The following POU2F1 variants were observed in gnomAD, a reference collection of about 807,000 sequenced individuals.
POU2F1 encodes POU class 2 homeobox 1.
A neutral mutation model predicts 84.9 loss-of-function variants in POU2F1; 16 were observed. That is an observed-to-expected ratio of 0.19 (90% CI 0.13 to 0.29). The LOEUF (loss-of-function observed/expected upper bound fraction) is 0.29, where lower values mean the gene tolerates loss of function less well. Ranked by LOEUF, POU2F1 falls within the 10% of genes least tolerant of loss-of-function variation. The probability of loss-of-function intolerance (pLI) is 1.00; values close to 1 mark genes in which losing one functional copy is unlikely to be tolerated. For synonymous variants in POU2F1, 368 were observed against 368.3 expected, an observed-to-expected ratio of 1.00 and a Z score of 0.01; for missense variants, 738 against 942.6, an observed-to-expected ratio of 0.78 and a Z score of 2.84.
chr1:167,362,610 C>T (rs1463577005), intron 2 of POU2F1, among the ~76,000 whole-genome samples: 1 of 152,138 alleles, frequency 6.6e-6, no homozygotes, highest in Non-Finnish European at 1.5e-5. Context: ...CTCCTAGGCT[C>T]AAAGGATCCT....
intron 1 of POU2F1, among the ~76,000 whole-genome samples, chr1:167,304,473 T>A (rs1299457919): frequency 6.6e-6 from 1 of 152,162 alleles, no homozygotes; most frequent in Non-Finnish European, 1.5e-5. Flanking sequence ...AGCCTGCTTA[T>A]TTTTTTAAAC....
chr1:167,282,206 G>A (rs983516337), intron 1 of POU2F1, among the ~76,000 whole-genome samples: 3 of 151,152 alleles, frequency 2.0e-5, no homozygotes, highest in African/African-American at 7.3e-5. Context: ...GCAGTGGCGC[G>A]ATCCCGGCTC....
chr1:167,414,396 G>C, intron 15 of POU2F1: 1 of 985,338 alleles, frequency 1.0e-6, no homozygotes, highest in Non-Finnish European at 1.2e-6. Context: ...AAGCTGCACT[G>C]TCTCACTGTT....
rs528484401 is a variant in POU2F1 at position 167,298,036 on chromosome 1, G to A, written c.62-34434G>A. On this transcript the variant is annotated intron_variant, in intron 1 of 15. Transcript: ENST00000367866. Reference sequence around the variant, plus strand: ...AACTACTTGGGAGGCTGAGGCAGGAGAATTGCTTGAACCTGGGAGGCAGAG... The same window carrying A: ...AACTACTTGGGAGGCTGAGGCAGGAAAATTGCTTGAACCTGGGAGGCAGAG... Among the ~76,000 whole-genome samples, 86 of 152,214 alleles carry A rather than the reference G, an allele frequency of 5.6e-4. 1 individual carries two copies. The highest frequency in any genetic ancestry group is 2.1e-3 in the African/African-American group (86 of 41,524).
At position 167,269,199 on chromosome 1, in the gene POU2F1, C is replaced by T. The variant is rs148976458; in HGVS notation, c.61+48241C>T. Among the ~76,000 whole-genome samples the T allele has an allele frequency of 2.8e-3, 421 of 152,128 alleles. 8 individuals carry two copies. The highest frequency in any genetic ancestry group is 0.024 in the East Asian group (126 of 5,168). On this transcript the variant is annotated intron_variant, in intron 1 of 15. Transcript: ENST00000367866. ...AAAAAAGAAGTAACCTATGTAGATC[C>T]AAACTTAAAATGTGAGAAATTATTG...
Position 167,413,007 on chromosome 1 carries a change from T to G in POU2F1, c.1902-19T>G, listed in dbSNP as rs933331418. 6 of 1,602,984 alleles carry G rather than the reference T, an allele frequency of 3.7e-6. No homozygotes were observed. Among genetic ancestry groups the G allele is most frequent in the African/African-American group, 1.3e-5 (1 of 74,656 alleles). ...TGCGTCTGCATGGTAATAAAGTGAC[T>G]CCTCTTTTGGACTTGCAGAGGTGCC... On this transcript the variant is annotated intron_variant, in intron 14 of 15. Transcript: ENST00000367866.
Position 167,401,668 on chromosome 1 carries a change from T to A in POU2F1, c.1555+112T>A, listed in dbSNP as rs1571449226. ...TAAGGCCCTAACTAAAGATAGGTGT[T>A]GCTCATAAATATCAATTTTCTTTAA... On this transcript the variant is annotated intron_variant, in intron 13 of 15. Transcript: ENST00000367866. 7 of 552,938 alleles carry A rather than the reference T, an allele frequency of 1.3e-5. No individual in the cohort carries two copies. The East Asian group carries it at 2.4e-4, about 19-fold the overall frequency. 34.3% of individuals were successfully genotyped at this position (552,938 alleles called of 1,614,324 possible).
At position 167,242,305 on chromosome 1, in the gene POU2F1, G is replaced by A. The variant is rs574034888; in HGVS notation, c.61+21347G>A. Among the ~76,000 whole-genome samples the A allele has an allele frequency of 2.0e-5, 3 of 152,348 alleles. No homozygotes were observed. The South Asian group carries it at 6.2e-4, about 32-fold the overall frequency. ...ATAAATGCCATGCACGAGAATTTCA[G>A]CACTATGAGCAGTGATAGAAGAGAA... On this transcript the variant is annotated intron_variant, in intron 1 of 15. Transcript: ENST00000367866.
chr1:167,230,903 A>G (rs995287926), intron 1 of POU2F1, among the ~76,000 whole-genome samples: 1 of 152,204 alleles, frequency 6.6e-6, no homozygotes, highest in Non-Finnish European at 1.5e-5. Context: ...AACTTTTTCA[A>G]CATAAGAAGG....
intron 7 of POU2F1, among the ~76,000 whole-genome samples, chr1:167,383,313 A>G (rs1366173269): frequency 1.3e-5 from 2 of 152,220 alleles, no homozygotes; most frequent in African/African-American, 4.8e-5. Flanking sequence ...TTTGAATGTC[A>G]GTTTGTCATC....
chr1:167,304,917 G>T (rs1167683659), intron 1 of POU2F1, among the ~76,000 whole-genome samples: 1 of 152,144 alleles, frequency 6.6e-6, no homozygotes, highest in Non-Finnish European at 1.5e-5. Flanking sequence ...GTTATAGAAA[G>T]AGTATTATTC....
chr1:167,386,648 A>G (rs1354566697), intron 8 of POU2F1, among the ~76,000 whole-genome samples: 3 of 152,228 alleles, frequency 2.0e-5, no homozygotes, highest in African/African-American at 7.2e-5. Context: ...GCTGGTGACT[A>G]GGTAACATAA....
At chr1:167,357,343 C>CT (rs1659006022) in intron 2 of POU2F1, 1 of 45,758 alleles carries the variant, frequency 2.2e-5, no homozygotes, top group African/African-American at 9.5e-5. Context: ...CAAGATTGCC[C>CT]CCCCTCCCCC....
chr1:167,316,296 G>A (rs1655888875), intron 1 of POU2F1, among the ~76,000 whole-genome samples: 1 of 152,164 alleles, frequency 6.6e-6, no homozygotes, highest in Non-Finnish European at 1.5e-5. Context: ...TGGTACATGG[G>A]ACCCATCTTT....
chr1:167,294,090 T>C (rs1178341793), intron 1 of POU2F1, among the ~76,000 whole-genome samples: 2 of 145,600 alleles, frequency 1.4e-5, no homozygotes, highest in African/African-American at 5.1e-5. Context: ...CCCAGCACTT[T>C]GGGAGGCCGA....
chr1:167,397,545 G>T (rs1430220624), intron 10 of POU2F1, among the ~76,000 whole-genome samples: 1 of 152,118 alleles, frequency 6.6e-6, no homozygotes, highest in Admixed American at 6.6e-5. Flanking sequence ...ATATTGGGGG[G>T]ATGGGTGGTG....
At chr1:167,221,635 C>T (rs572294656) in intron 1 of POU2F1, among the ~76,000 whole-genome samples, 8 of 150,952 alleles carry the variant, frequency 5.3e-5, no homozygotes, top group Non-Finnish European at 8.9e-5. Context: ...CCTGCCCGCG[C>T]CCCGCGCGGG....
At chr1:167,315,104 GCTATGTTGC>G (rs1655791969) in intron 1 of POU2F1, among the ~76,000 whole-genome samples, 1 of 152,152 alleles carries the variant, frequency 6.6e-6, no homozygotes, top group African/African-American at 2.4e-5. Flanking sequence ...AGCAGATGCT[GCTATGTTGC>G]CTATACAGCC....
chr1:167,407,325 C>G (rs980879654), intron 13 of POU2F1, among the ~76,000 whole-genome samples: 2 of 152,184 alleles, frequency 1.3e-5, no homozygotes, highest in Non-Finnish European at 2.9e-5. Context: ...CCACCATGCT[C>G]AGTCTTCCAG....
Sources: gnomAD v4.1 joint callset for allele counts (sites outside exome capture counted in the v4.1 genomes callset) on GRCh38, gnomAD v4.1.1 for gene constraint, MANE v1.5 for transcripts, NCBI Gene and HGNC (gene_info 2026-07-23, HGNC 2026-07-21) for gene names.